The following GABRA5 variants were observed in gnomAD, a reference collection of about 807,000 sequenced individuals.
GABRA5 encodes gamma-aminobutyric acid type A receptor subunit alpha5.
Under a neutral mutation model 47.3 loss-of-function variants are expected in GABRA5, and 18 were observed. The observed-to-expected ratio is 0.38, with a 90% CI of 0.26 to 0.56. The LOEUF (loss-of-function observed/expected upper bound fraction) is 0.56, where lower values mean the gene tolerates loss of function less well. GABRA5 is among the 20% of genes least tolerant of loss of function. The pLI, the probability that GABRA5 is intolerant of heterozygous loss-of-function variation, is 0.71. For synonymous variants in GABRA5, 237 were observed against 229.3 expected (o/e 1.03, Z -0.30); for missense variants, 365 against 599.3 (o/e 0.61, Z 4.08).
In GABRA5 at chr15:26,883,926, GGAGGCT is replaced by G. The variant is rs1478513550; in HGVS notation, c.497+374_497+379del. ...GTACACCTTTAATCCCAACACTCTGGGAGGCTGAGGTGGGAGGATTGCTTGAGGCCA... is the reference window on the plus strand; with the variant it reads ...GTACACCTTTAATCCCAACACTCTGGGAGGTGGGAGGATTGCTTGAGGCCA... On this transcript the variant is annotated intron_variant, in intron 6 of 10. Coordinates refer to ENST00000335625, the MANE Select transcript of GABRA5 (RefSeq NM_000810.4). The surrounding 1 kb of genome is among the most constrained non-coding windows in gnomAD (Gnocchi z 4.8). 6.6e-6 allele frequency among the ~76,000 whole-genome samples: 1 copy of G among 152,074 alleles called. No individual in the cohort carries two copies. The highest frequency in any genetic ancestry group is 1.5e-5 in the Non-Finnish European group (1 of 68,026).
chr15:26,913,535 C>T (rs1205589763), intron 6 of GABRA5, among the ~76,000 whole-genome samples: 2 of 152,152 alleles, frequency 1.3e-5, no homozygotes. Context: ...TAATCAGCGA[C>T]ATTCAGTCTT....
intron 8 of GABRA5, chr15:26,939,566 C>A (rs1894336180): frequency 1.6e-6 from 1 of 615,564 alleles, no homozygotes; most frequent in South Asian, 1.9e-5. Context: ...TCTGTGAAAT[C>A]CTGAGTTACA....
At chr15:26,945,398 T>A (rs1894487471) in intron 10 of GABRA5, among the ~76,000 whole-genome samples, 1 of 152,188 alleles carries the variant, frequency 6.6e-6, no homozygotes, top group Non-Finnish European at 1.5e-5. Flanking sequence ...AAGCAAACAC[T>A]GGGTCAGAGT....
At chr15:26,905,881 G>A (rs141689417) in intron 6 of GABRA5, among the ~76,000 whole-genome samples, 173 of 151,388 alleles carry the variant, frequency 1.1e-3, no homozygotes, top group Non-Finnish European at 2.2e-3. Flanking sequence ...TTGAGACATT[G>A]TTCTCCAGGT....
At chr15:26,896,520 T>A (rs999660223) in intron 6 of GABRA5, among the ~76,000 whole-genome samples, 4 of 152,242 alleles carry the variant, frequency 2.6e-5, no homozygotes, top group Non-Finnish European at 5.9e-5. Flanking sequence ...GAACAAATAA[T>A]GTTTACTAGA....
chr15:26,934,718 C>A (rs1894194513), intron 7 of GABRA5, among the ~76,000 whole-genome samples: 1 of 152,114 alleles, frequency 6.6e-6, no homozygotes, highest in Admixed American at 6.5e-5. Context: ...TTGCTCAAGT[C>A]CACCCTGGTA....
intron 6 of GABRA5, among the ~76,000 whole-genome samples, chr15:26,908,262 A>T (rs560179049): frequency 1.3e-5 from 2 of 152,032 alleles, no homozygotes; most frequent in South Asian, 4.2e-4. Flanking sequence ...AAGACGCCCC[A>T]CTCATAGCAC....
chr15:26,933,992 C>T (rs933949917), intron 7 of GABRA5, among the ~76,000 whole-genome samples: 1 of 152,124 alleles, frequency 6.6e-6, no homozygotes, highest in Non-Finnish European at 1.5e-5. Context: ...CTCATTCCCA[C>T]CCAGGCTTTC....
chr15:26,892,273 C>T (rs1893024568), intron 6 of GABRA5, among the ~76,000 whole-genome samples: 1 of 152,268 alleles, frequency 6.6e-6, no homozygotes, highest in Non-Finnish European at 1.5e-5. Flanking sequence ...GTGTGCCAGC[C>T]ACATTCCCAG....
intron 6 of GABRA5, among the ~76,000 whole-genome samples, chr15:26,884,917 T>C (rs955996582): frequency 6.6e-6 from 1 of 152,140 alleles, no homozygotes; most frequent in African/African-American, 2.4e-5. Flanking sequence ...TGGTTATGGT[T>C]TGCGGAGGCA....
At chr15:26,882,900 C>T (rs575594069) in intron 4 of GABRA5, among the ~76,000 whole-genome samples, 1 of 152,336 alleles carries the variant, frequency 6.6e-6, no homozygotes, top group African/African-American at 2.4e-5. Flanking sequence ...GAGGCCTCAG[C>T]CCAGGTCTTT....
intron 3 of GABRA5, among the ~76,000 whole-genome samples, chr15:26,877,878 G>A (rs1892635789): frequency 6.6e-6 from 1 of 152,216 alleles, no homozygotes; most frequent in Non-Finnish European, 1.5e-5. Context: ...GTCTAAGACT[G>A]TTGTTAGTAA....
chr15:26,946,694 C>T (rs564461370), intron 10 of GABRA5, among the ~76,000 whole-genome samples: 2 of 152,184 alleles, frequency 1.3e-5, no homozygotes, highest in East Asian at 3.9e-4. Flanking sequence ...CACCATGCCT[C>T]TTCCCAGGCA....
intron 6 of GABRA5, among the ~76,000 whole-genome samples, chr15:26,892,824 G>A (rs932058538): frequency 2.0e-5 from 3 of 152,084 alleles, no homozygotes; most frequent in African/African-American, 7.2e-5. Flanking sequence ...GGCGGCTTCC[G>A]GAGGCTTCTC....
chr15:26,905,777 C>T (rs1893430887), intron 6 of GABRA5, among the ~76,000 whole-genome samples: 1 of 151,984 alleles, frequency 6.6e-6, no homozygotes, highest in African/African-American at 2.4e-5. Flanking sequence ...TTGAAACCCT[C>T]TAGTGAATTC....
At chr15:26,888,583 T>A (rs747624106) in intron 6 of GABRA5, among the ~76,000 whole-genome samples, 14 of 152,142 alleles carry the variant, frequency 9.2e-5, no homozygotes, top group Non-Finnish European at 1.3e-4. Flanking sequence ...TTGGTTGTCA[T>A]TACATAGCAG....
At chr15:26,911,394 CACAA>C (rs750993725) in intron 6 of GABRA5, among the ~76,000 whole-genome samples, 13,411 of 146,202 alleles carry the variant, frequency 0.092, 617 homozygotes, top group Middle Eastern at 0.16. Flanking sequence ...CACACACACA[CACAA>C]ACACACACAC....
intron 8 of GABRA5, 116 bp downstream of exon 8, chr15:26,937,444 T>C: frequency 9.0e-7 from 1 of 1,106,772 alleles, no homozygotes; most frequent in Non-Finnish European, 1.3e-6. Flanking sequence ...CACAGCAGCC[T>C]CCCACACAAC....
intron 7 of GABRA5, among the ~76,000 whole-genome samples, chr15:26,930,948 T>C (rs1164436338): frequency 6.9e-6 from 1 of 145,948 alleles, no homozygotes; most frequent in African/African-American, 2.6e-5. Context: ...CAGGCTGGAG[T>C]GCAGTAGCAC....
Sources: gnomAD v4.1 joint callset for allele counts (sites outside exome capture counted in the v4.1 genomes callset) on GRCh38, gnomAD v4.1.1 for gene constraint, Gnocchi (gnomAD v3.1) non-coding constraint, MANE v1.5 for transcripts, NCBI Gene and HGNC (gene_info 2026-07-23, HGNC 2026-07-21) for gene names.